TSC1: variants seen among roughly 807,000 people sequenced by gnomAD.
The protein encoded by TSC1 is TSC complex subunit 1, also known as hamartin.
Under a neutral mutation model 124.3 loss-of-function variants are expected in TSC1, and 20 were observed. The ratio of observed to expected loss-of-function variants is 0.16; its 90% confidence interval spans 0.11 to 0.23. The LOEUF is 0.23. Ranked by LOEUF, TSC1 falls within the 10% of genes least tolerant of loss-of-function variation. TSC1 has a pLI of 1.00. For missense variants in TSC1, 1,124 were observed against 1,448.5 expected (o/e 0.78, Z 3.64); for synonymous variants, 493 against 539.1 (o/e 0.91, Z 1.19).
chr9:132,945,251 C>T (rs1474517140), upstream of TSC1: 8 of 152,286 alleles, frequency 5.3e-5, no homozygotes. Context: ...TTTCAGAAGC[C>T]CGCCTCCGGG....
chr9:132,915,133 C>A (rs1846205432), intron 8 of TSC1, among the ~76,000 whole-genome samples: 1 of 151,806 alleles, frequency 6.6e-6, no homozygotes, highest in African/African-American at 2.4e-5. Flanking sequence ...CTGCCATGAG[C>A]CATGCTGTAC....
intron 1 of TSC1, among the ~76,000 whole-genome samples, chr9:132,936,896 A>G (rs1003642536): frequency 4.6e-5 from 7 of 152,232 alleles, no homozygotes; most frequent in Non-Finnish European, 1.0e-4. Flanking sequence ...ATGTACGACC[A>G]TGGCCAAAGT....
At chr9:132,934,172 T>A (rs1010511574) in intron 2 of TSC1, among the ~76,000 whole-genome samples, 1 of 152,052 alleles carries the variant, frequency 6.6e-6, no homozygotes, top group African/African-American at 2.4e-5. Flanking sequence ...CACAGAGCTG[T>A]CCATGTACAA....
rs1564475110 is a variant in TSC1, at chr9:132,900,821, G to A, written c.2519C>T (p.Ser840Leu). Reference protein sequence around the residue: ...QVSQKLSNSESVQQQMEFLNR... With the variant: ...QVSQKLSNSELVQQQMEFLNR... ...CAAGAACTCCATCTGCTGCTGGACC[G>A]ACTCACTGTTTGAGAGCTAACCAAA... Residue 840 changes from serine to leucine, a missense_variant, in exon 20 of 23, where the codon TCG (serine) becomes TTG (leucine). Physicochemically the swap from Ser to Leu is moderately radical, Grantham distance 145 (BLOSUM62 -2). Coordinates refer to ENST00000298552, the MANE Select transcript of TSC1 (RefSeq NM_000368.5). 6.2e-7 allele frequency: 1 copy of A among 1,613,952 alleles called. No homozygotes were observed. The highest frequency in any genetic ancestry group is 1.3e-5 in the African/African-American group (1 of 74,894).
chr9:132,933,212 C>T (rs1847292255), intron 2 of TSC1, among the ~76,000 whole-genome samples: 1 of 152,184 alleles, frequency 6.6e-6, no homozygotes, highest in Non-Finnish European at 1.5e-5. Flanking sequence ...ATTATAGGCG[C>T]ACACCACCAT....
intron 11 of TSC1, 62 bp downstream of exon 11, chr9:132,910,940 T>A (rs1588322456): frequency 6.8e-6 from 10 of 1,478,102 alleles, no homozygotes; most frequent in Non-Finnish European, 9.5e-6. Context: ...AAAAGAGAGC[T>A]CCTCCTGCCA....
intron 8 of TSC1, among the ~76,000 whole-genome samples, chr9:132,916,154 A>G (rs1277537564): frequency 1.3e-5 from 2 of 152,238 alleles, no homozygotes; most frequent in Admixed American, 1.3e-4. Flanking sequence ...GTCTAATCAA[A>G]TGCATGTTAG....
At position 132,944,565 on chromosome 9, in the gene TSC1, T is replaced by C. The variant is rs886063626; in HGVS notation, c.-166A>G. 2.0e-5 allele frequency: 8 copies of C among 398,776 alleles called. No individual in the cohort carries two copies. The East Asian group carries it at 2.9e-4, about 14-fold the overall frequency. The allele number at this position is 398,776 out of a possible 1,614,324, so 24.7% of individuals were successfully genotyped here. On this transcript the variant is annotated 5_prime_UTR_variant, in exon 1 of 23. Coordinates refer to ENST00000298552, the MANE Select transcript of TSC1 (RefSeq NM_000368.5). ...CACCCACCGTCTCCTCCCCCTCAGC[T>C]GTTTACCTCACAGTCCCTCCAGCCT...
At chr9:132,917,129 T>C (rs1846304677) in intron 8 of TSC1, among the ~76,000 whole-genome samples, 1 of 152,220 alleles carries the variant, frequency 6.6e-6, no homozygotes, top group Non-Finnish European at 1.5e-5. Context: ...CTTATTAATG[T>C]GATTTCATTT....
intron 8 of TSC1, among the ~76,000 whole-genome samples, chr9:132,913,661 C>T (rs895770395): frequency 2.0e-5 from 3 of 151,708 alleles, no homozygotes; most frequent in Non-Finnish European, 4.4e-5. Context: ...CCCGTTTCTA[C>T]TAAAAATACA....
Position 132,896,105 on chromosome 9 carries a change from G to A in TSC1, c.*130C>T, listed in dbSNP as rs1326970792. On this transcript the variant is annotated 3_prime_UTR_variant, in exon 23 of 23. Coordinates refer to ENST00000298552, the MANE Select transcript of TSC1 (RefSeq NM_000368.5). The surrounding 1 kb of genome is among the most constrained non-coding windows in gnomAD (Gnocchi z 4.5). ...TTCTGCATTCAGTCAGCTGTCCAAA[G>A]GACCTCCGTCCCATTTCCACACATG... 5.8e-6 allele frequency: 8 copies of A among 1,390,916 alleles called. No homozygotes were observed. The African/African-American group carries it at 8.5e-5, about 15-fold the overall frequency. The allele number at this position is 1,390,916 out of a possible 1,614,324, so 86.2% of individuals were successfully genotyped here.
rs1371866139 is a variant in TSC1 at position 132,912,432 on chromosome 9, C to G, written c.763G>C (p.Val255Leu). The part of the protein sequence containing the change: ...RRWKRLETHD[V>L]VIECAKISLD... ...GAGATTTTGGCACACTCGATCACAA[C>G]ATCATGAGTTTCTAATCTCTTCCAC... Residue 255 changes from valine (V) to leucine (L), a missense_variant, in exon 9 of 23, where the codon GTT becomes CTT. Val to Leu is a conservative substitution (Grantham distance 32). This residue lies in a region of TSC1 where 463 missense variants were observed against 606.8 expected (regional missense o/e 0.76). Coordinates refer to ENST00000298552, the MANE Select transcript of TSC1 (RefSeq NM_000368.5). 6.2e-7 allele frequency: 1 copy of G among 1,614,190 alleles called. No individual in the cohort carries two copies. The highest frequency in any genetic ancestry group is 1.7e-5 in the Admixed American group (1 of 60,028).
chr9:132,926,800 G>C (rs1481147732), intron 4 of TSC1: 1 of 241,126 alleles, frequency 4.1e-6, no homozygotes, highest in Non-Finnish European at 8.2e-6. Context: ...TCAGCTTCCT[G>C]AGTAGCTGAG....
At position 132,902,573 on chromosome 9, in the gene TSC1, C is replaced by T. The variant is rs2131726746; in HGVS notation, c.2391+32G>A. ...TCCCCACTGCTCTCCGGCATTCTCG[C>T]AGTTGGCTTTGCCTGGTGCTGCAGT... On this transcript the variant is annotated intron_variant, in intron 18 of 22. Coordinates refer to ENST00000298552, the MANE Select transcript of TSC1 (RefSeq NM_000368.5). The surrounding 1 kb of genome is among the most constrained non-coding windows in gnomAD (Gnocchi z 5.2). 6.2e-7 allele frequency: 1 copy of T among 1,613,058 alleles called. No homozygotes were observed.
In TSC1 at chr9:132,925,718, C is replaced by T. The variant is rs1588355838; in HGVS notation, c.232G>A (p.Glu78Lys). 1 of 1,614,156 alleles carries T rather than the reference C, an allele frequency of 6.2e-7. No individual in the cohort carries two copies. The highest frequency in any genetic ancestry group is 8.5e-7 in the Non-Finnish European group (1 of 1,180,032). ...CGAGTGGCGGCTTTGCCCACATATT[C>T]GTTAATCCTGTCCAAGAGGTGCTGA... ...HDKHLLDRIN[E>K]YVGKAATRLS... The change falls in exon 5 of 23, where the codon GAA (glutamate) becomes AAA (lysine). Residue 78 changes from glutamate to lysine, a missense_variant. By Grantham distance (56) the Glu-to-Lys change is moderately conservative (BLOSUM62 1). Transcript: ENST00000298552.
At chr9:132,929,038 CG>C (rs1847055615) in intron 2 of TSC1, 86 bp from the exon 3 acceptor site, 1 of 1,208,008 alleles carries the variant, frequency 8.3e-7, no homozygotes, top group Non-Finnish European at 1.1e-6. Flanking sequence ...AACTAATGCA[CG>C]TGTTCAATGC....
At chr9:132,933,372 G>A (rs141062403) in intron 2 of TSC1, among the ~76,000 whole-genome samples, 166 of 152,096 alleles carry the variant, frequency 1.1e-3, no homozygotes, top group African/African-American at 3.8e-3. Flanking sequence ...GGCCAAAAAT[G>A]TCTTAAAAAT....
At chr9:132,914,539 TATACC>T (rs1224273825) in intron 8 of TSC1, among the ~76,000 whole-genome samples, 1 of 152,062 alleles carries the variant, frequency 6.6e-6, no homozygotes, top group African/African-American at 2.4e-5. Context: ...GTAAGCAAAT[TATACC>T]ATACCAAAGT....
chr9:132,904,054 C>T (rs1845523619), intron 16 of TSC1, among the ~76,000 whole-genome samples: 1 of 152,162 alleles, frequency 6.6e-6, no homozygotes, highest in Non-Finnish European at 1.5e-5. Flanking sequence ...TGAGAGCCTG[C>T]TTTCCTTTCC....
Sources: gnomAD v4.1 joint callset for allele counts (sites outside exome capture counted in the v4.1 genomes callset) on GRCh38, gnomAD v4.1.1 for gene constraint, gnomAD v4.1.1 regional missense constraint, Gnocchi (gnomAD v3.1) non-coding constraint, MANE v1.5 for transcripts, NCBI Gene and HGNC (gene_info 2026-07-23, HGNC 2026-07-21) for gene names.